ADAM18: variants seen among roughly 807,000 people sequenced by gnomAD.
ADAM18 encodes the protein ADAM metallopeptidase domain 18, also known as disintegrin and metalloproteinase domain-containing protein 18.
ADAM18 carries 117 observed loss-of-function variants against 94.4 expected under a neutral mutation model. The ratio of observed to expected loss-of-function variants is 1.24; its 90% CI spans 1.07 to 1.45. The LOEUF (loss-of-function observed/expected upper bound fraction) is 1.45. Among genes scored for constraint, ADAM18 ranks in the 40% most tolerant of loss-of-function variants. ADAM18 has a pLI of 0.00. For missense variants in ADAM18, 936 were observed against 880.0 expected (o/e 1.06, Z -0.81); for synonymous variants, 327 against 291.6 (o/e 1.12, Z -1.24).
chr8:39,645,377 A>G lies in ADAM18; in HGVS notation c.949A>G (p.Ile317Val). 6.2e-7 allele frequency: 1 copy of G among 1,612,540 alleles called. No homozygotes were observed. The highest frequency in any genetic ancestry group is 8.5e-7 in the Non-Finnish European group (1 of 1,179,216). The change falls in exon 11 of 20, where the codon ATA becomes GTA. Residue 317 changes from isoleucine (I) to valine (V), a missense_variant. By Grantham distance (29) the Ile-to-Val change is conservative (BLOSUM62 3). Coordinates refer to ENST00000265707, the MANE Select transcript of ADAM18 (RefSeq NM_014237.3). ...AIGLEGFSVI[I>V]AQLLGLNVGL... is the part of the protein sequence containing the mutation. ...AGGTTTGGAGGGATTTTCGGTTATT[A>G]TAGCTCAACTGCTTGGCCTTAATGT... is the stretch of plus-strand genomic sequence containing the variant.
chr8:39,666,165 G>C (rs1820989147), intron 13 of ADAM18, among the ~76,000 whole-genome samples: 1 of 152,110 alleles, frequency 6.6e-6, no homozygotes, highest in African/African-American at 2.4e-5. Flanking sequence ...AGCCTCCCAA[G>C]TAGCTAGGAC....
chr8:39,608,982 G>A (rs1819177028), intron 3 of ADAM18, 60 bp from the exon 4 acceptor site: 1 of 967,234 alleles, frequency 1.0e-6, no homozygotes, highest in Non-Finnish European at 1.5e-6. Context: ...TGTAATATTT[G>A]TTTTTAACAT....
chr8:39,604,136 G>A (rs1818991526), intron 2 of ADAM18, among the ~76,000 whole-genome samples: 1 of 152,120 alleles, frequency 6.6e-6, no homozygotes, highest in South Asian at 2.1e-4. Context: ...TTGCTTCTCT[G>A]CCAGGCTCTT....
At chr8:39,661,602 A>G (rs1330993236) in intron 12 of ADAM18, among the ~76,000 whole-genome samples, 1 of 151,966 alleles carries the variant, frequency 6.6e-6, no homozygotes, top group Non-Finnish European at 1.5e-5. Context: ...ATTGATTATC[A>G]AGACCTCCAC....
At chr8:39,670,484 A>T (rs1460045195) in intron 14 of ADAM18, among the ~76,000 whole-genome samples, 1 of 152,200 alleles carries the variant, frequency 6.6e-6, no homozygotes, top group Non-Finnish European at 1.5e-5. Flanking sequence ...AAGTAGTTAC[A>T]TTAAGTTTGC....
intron 12 of ADAM18, among the ~76,000 whole-genome samples, chr8:39,654,501 G>A (rs975574226): frequency 6.8e-6 from 1 of 146,654 alleles, no homozygotes; most frequent in Non-Finnish European, 1.5e-5. Flanking sequence ...TGCTGCAATA[G>A]ACATGAGAGT....
intron 2 of ADAM18, among the ~76,000 whole-genome samples, chr8:39,604,033 A>T (rs551162964): frequency 6.6e-6 from 1 of 152,306 alleles, no homozygotes; most frequent in Admixed American, 6.5e-5. Context: ...ATCATCTATA[A>T]TTGATTCATT....
chr8:39,701,353 A>T (rs1177722320), intron 17 of ADAM18, among the ~76,000 whole-genome samples: 1 of 151,418 alleles, frequency 6.6e-6, no homozygotes, highest in African/African-American at 2.4e-5. Flanking sequence ...TCACTTTTTA[A>T]TACGTTGTGA....
chr8:39,599,811 T>G (rs189383666), intron 2 of ADAM18, among the ~76,000 whole-genome samples: 50 of 152,028 alleles, frequency 3.3e-4, no homozygotes, highest in Admixed American at 1.6e-3. Context: ...TCTAGCAACT[T>G]TTTTCATATA....
intron 12 of ADAM18, among the ~76,000 whole-genome samples, chr8:39,661,354 T>C (rs1820834041): frequency 7.2e-6 from 1 of 138,942 alleles, no homozygotes; most frequent in African/African-American, 2.6e-5. Context: ...TTTTGTATTT[T>C]TGGTAGAGTT....
At chr8:39,701,117 C>CAAAAA (rs71237188) in intron 17 of ADAM18, among the ~76,000 whole-genome samples, 1,648 of 34,530 alleles carry the variant, frequency 0.048, 390 homozygotes, top group South Asian at 0.088. Flanking sequence ...GACTCTGTCT[C>CAAAAA]AAAAAAAAAA....
At chr8:39,625,752 C>G (rs1225251314) in intron 6 of ADAM18, among the ~76,000 whole-genome samples, 2 of 151,816 alleles carry the variant, frequency 1.3e-5, no homozygotes, top group Non-Finnish European at 2.9e-5. Flanking sequence ...TAAAGAGATG[C>G]TGGATTTTAT....
intron 6 of ADAM18, among the ~76,000 whole-genome samples, chr8:39,618,339 T>C (rs994028969): frequency 3.9e-5 from 6 of 152,068 alleles, no homozygotes; most frequent in Admixed American, 1.3e-4. Flanking sequence ...AGGGTGGGGG[T>C]AGGTTAGTGA....
At chr8:39,672,412 T>C (rs1227940575) in intron 14 of ADAM18, among the ~76,000 whole-genome samples, 1 of 152,198 alleles carries the variant, frequency 6.6e-6, no homozygotes, top group Non-Finnish European at 1.5e-5. Context: ...AATGTTGTTA[T>C]AAGCAGTAGA....
In ADAM18 at chr8:39,640,755, C is replaced by T. The variant is rs184170595; in HGVS notation, c.909+2209C>T. ...GTAAGGTGCTATCTCATTGTGGTTT[C>T]GATTTACATTTCTCTAATGACCAGT... On this transcript the variant is annotated intron_variant, in intron 10 of 19. Transcript: ENST00000265707. Among the ~76,000 whole-genome samples, 111 of 151,308 alleles carry T rather than the reference C, an allele frequency of 7.3e-4. 1 individual carries two copies. The highest frequency in any genetic ancestry group is 7.8e-4 in the Non-Finnish European group (53 of 67,788).
At chr8:39,608,892 A>G in intron 3 of ADAM18, 150 bp from the exon 4 acceptor site, 1 of 578,336 alleles carries the variant, frequency 1.7e-6, no homozygotes, top group Non-Finnish European at 3.0e-6. Flanking sequence ...TATGAATTTC[A>G]ACTGTTATGC....
intron 10 of ADAM18, among the ~76,000 whole-genome samples, chr8:39,642,211 ATAGTT>A (rs1291722846): frequency 6.6e-6 from 1 of 151,674 alleles, no homozygotes; most frequent in African/African-American, 2.4e-5. Context: ...CATTCTGTAG[ATAGTT>A]TACTCTATTG....
intron 6 of ADAM18, among the ~76,000 whole-genome samples, chr8:39,625,533 T>A (rs1305110808): frequency 6.6e-6 from 1 of 152,154 alleles, no homozygotes; most frequent in Non-Finnish European, 1.5e-5. Context: ...TTTATTTATG[T>A]CTTTTGCCTG....
At position 39,684,104 on chromosome 8, in the gene ADAM18, T is replaced by A. The variant is rs183626983; in HGVS notation, c.1821+3878T>A. Among the ~76,000 whole-genome samples, 1,014 of 152,138 alleles carry A rather than the reference T, an allele frequency of 6.7e-3. 7 individuals carry two copies. Among genetic ancestry groups the A allele is most frequent in the Non-Finnish European group, 9.9e-3 (672 of 67,992 alleles). ...AAGCTTTCACACCACTACACTCCAG[T>A]CTGGTCAACAAAGCAAGACCTTATC... On this transcript the variant is annotated intron_variant, in intron 16 of 19. Coordinates refer to ENST00000265707, the MANE Select transcript of ADAM18 (RefSeq NM_014237.3).
Sources: gnomAD v4.1 joint callset for allele counts (sites outside exome capture counted in the v4.1 genomes callset) on GRCh38, gnomAD v4.1.1 for gene constraint, MANE v1.5 for transcripts, NCBI Gene and HGNC (gene_info 2026-07-23, HGNC 2026-07-21) for gene names.